The following BAIAP2L1 variants were observed in gnomAD, a reference collection of about 807,000 sequenced individuals.
BAIAP2L1 encodes BAR/IMD domain containing adaptor protein 2 like 1, also known as BAR/IMD domain-containing adapter protein 2-like 1.
BAIAP2L1 carries 35 observed loss-of-function variants against 66.3 expected under a neutral mutation model. The observed-to-expected ratio is 0.53, with a 90% confidence interval of 0.40 to 0.70. The LOEUF is 0.70. Among genes scored for constraint, BAIAP2L1 ranks in the 30% least tolerant of loss-of-function variants. BAIAP2L1 has a pLI of 0.00. For missense variants in BAIAP2L1, 622 were observed against 656.9 expected, an observed-to-expected ratio of 0.95 and a Z score of 0.58; for synonymous variants, 269 against 248.7, an observed-to-expected ratio of 1.08 and a Z score of -0.77.
At chr7:98,357,995 G>A (rs1039438215) in intron 2 of BAIAP2L1, among the ~76,000 whole-genome samples, 1 of 152,188 alleles carries the variant, frequency 6.6e-6, no homozygotes, top group East Asian at 1.9e-4. Context: ...CCAGGAAACT[G>A]TCAAGTTGTA....
intron 12 of BAIAP2L1, among the ~76,000 whole-genome samples, chr7:98,294,345 G>A (rs1056709567): frequency 1.3e-5 from 2 of 152,102 alleles, no homozygotes; most frequent in African/African-American, 2.4e-5. Flanking sequence ...AAAACATAAG[G>A]GATGTTTAAA....
chr7:98,322,688 C>T (rs540301913), intron 3 of BAIAP2L1, among the ~76,000 whole-genome samples: 9 of 152,302 alleles, frequency 5.9e-5, no homozygotes, highest in South Asian at 2.1e-4. Flanking sequence ...CGTCCCACCA[C>T]GTGGGCTTTC....
chr7:98,357,245 C>A (rs12672092), intron 2 of BAIAP2L1, among the ~76,000 whole-genome samples: 57,102 of 148,142 alleles, frequency 0.39, 12,377 homozygotes, highest in Middle Eastern at 0.55. Context: ...TTTTCTGGCA[C>A]ATTAATCTAC....
In BAIAP2L1 at chr7:98,400,967, C is replaced by T. The variant is rs1436022393; in HGVS notation, c.-115G>A. The T allele has an allele frequency of 6.3e-6, 6 of 948,898 alleles. No individual in the cohort carries two copies. Among genetic ancestry groups the T allele is most frequent in the Non-Finnish European group, 8.4e-6 (6 of 711,216 alleles). 58.8% of individuals were successfully genotyped at this position (948,898 alleles called of 1,614,324 possible). ...CTAAGGGGCTCTGGAGGGTCGGCCG[C>T]CGCCGCAGCCGTCGGCCCGAGAGTG... On this transcript the variant is annotated 5_prime_UTR_variant, in exon 1 of 14. Transcript: ENST00000005260.
chr7:98,385,506 G>A (rs10280254), intron 1 of BAIAP2L1, among the ~76,000 whole-genome samples: 18,070 of 151,638 alleles, frequency 0.12, 1,341 homozygotes, highest in South Asian at 0.23. Flanking sequence ...CTGCAGCCTC[G>A]ACCTCCCGGA....
At position 98,355,148 on chromosome 7, in the gene BAIAP2L1, C is replaced by T; in HGVS notation, c.128-20G>A. On this transcript the variant is annotated intron_variant, in intron 2 of 13. Coordinates refer to ENST00000005260, the MANE Select transcript of BAIAP2L1 (RefSeq NM_018842.5). ...TCATAGCTAGACACAAAAGGTGACA[C>T]ACAAAATCGTCACTTAGACAAGGAA... 1 of 1,554,398 alleles carries T rather than the reference C, an allele frequency of 6.4e-7. No homozygotes were observed. Among genetic ancestry groups the T allele is most frequent in the Non-Finnish European group, 8.9e-7 (1 of 1,126,642 alleles).
At chr7:98,336,514 G>A (rs2115610806) in intron 3 of BAIAP2L1, among the ~76,000 whole-genome samples, 1 of 152,296 alleles carries the variant, frequency 6.6e-6, no homozygotes, top group South Asian at 2.1e-4. Context: ...TACTTGGGAG[G>A]CTGAGGCAGG....
At chr7:98,382,078 A>G (rs1283820831) in intron 1 of BAIAP2L1, among the ~76,000 whole-genome samples, 1 of 151,872 alleles carries the variant, frequency 6.6e-6, no homozygotes, top group African/African-American at 2.4e-5. Context: ...GGCGCCTGCC[A>G]CCACGCCCGG....
At chr7:98,306,323 C>A in intron 11 of BAIAP2L1, 116 bp downstream of exon 11, 5 of 1,238,236 alleles carry the variant, frequency 4.0e-6, no homozygotes, top group Non-Finnish European at 4.7e-6. Context: ...TCTGACTAGT[C>A]CACGAGAGCT....
At chr7:98,316,997 T>C (rs373749861) in intron 6 of BAIAP2L1, among the ~76,000 whole-genome samples, 3,687 of 151,684 alleles carry the variant, frequency 0.024, 151 homozygotes, top group African/African-American at 0.085. Flanking sequence ...CGAGTAGCTG[T>C]GACTACAGGT....
intron 3 of BAIAP2L1, among the ~76,000 whole-genome samples, chr7:98,330,221 C>T (rs561169810): frequency 6.6e-6 from 1 of 152,246 alleles, no homozygotes; most frequent in South Asian, 2.1e-4. Context: ...AACTAACCAC[C>T]ACCATGACTA....
At chr7:98,367,527 C>T (rs1248103036) in intron 1 of BAIAP2L1, among the ~76,000 whole-genome samples, 5 of 141,964 alleles carry the variant, frequency 3.5e-5, no homozygotes, top group African/African-American at 1.3e-4. Context: ...CGCACCACCA[C>T]ACCTGGCTTT....
chr7:98,393,910 C>G (rs865971863), intron 1 of BAIAP2L1, among the ~76,000 whole-genome samples: 23 of 149,878 alleles, frequency 1.5e-4, no homozygotes, highest in Middle Eastern at 3.5e-3. Flanking sequence ...TCGAGACCAG[C>G]CTGAACAACA....
chr7:98,345,513 T>TCC (rs1801850602), intron 3 of BAIAP2L1, among the ~76,000 whole-genome samples: 1 of 151,878 alleles, frequency 6.6e-6, no homozygotes, highest in African/African-American at 2.4e-5. Flanking sequence ...TCACCTGAGG[T>TCC]AAGGAGTTTG....
At chr7:98,339,329 A>G (rs1801685459) in intron 3 of BAIAP2L1, among the ~76,000 whole-genome samples, 2 of 152,124 alleles carry the variant, frequency 1.3e-5, no homozygotes, top group African/African-American at 4.8e-5. Context: ...TGCTGTAGCT[A>G]TCTTGTGGTT....
chr7:98,400,825 G>A lies in BAIAP2L1; in HGVS notation c.28C>T (p.Arg10Trp), dbSNP rs1803352892. 3 of 1,547,468 alleles carry A rather than the reference G, an allele frequency of 1.9e-6. No homozygotes were observed. The highest frequency in any genetic ancestry group is 2.6e-6 in the Non-Finnish European group (3 of 1,145,508). MSRGPEEVN[R>W]LTESTYRNVM... ...ACCCGGTAGGTGCTCTCCGTGAGCC[G>A]GTTCACCTCCTCGGGCCCCCGGGAC... is the stretch of plus-strand genomic sequence containing the variant. The change falls in exon 1 of 14, where the codon CGG becomes TGG. Residue 10 changes from arginine (R) to tryptophan (W), a missense_variant. Transcript: ENST00000005260.
chr7:98,328,531 GGTGCCCCA>G (rs1323468538), intron 3 of BAIAP2L1, among the ~76,000 whole-genome samples: 12 of 152,050 alleles, frequency 7.9e-5, no homozygotes, highest in Non-Finnish European at 1.8e-4. Context: ...TGGCTGCTGA[GGTGCCCCA>G]GTCCAGACAC....
At chr7:98,374,149 A>C (rs1802570775) in intron 1 of BAIAP2L1, among the ~76,000 whole-genome samples, 1 of 151,722 alleles carries the variant, frequency 6.6e-6, no homozygotes, top group African/African-American at 2.4e-5. Context: ...GGGTCTTGCT[A>C]TGTTGCCCAG....
intron 11 of BAIAP2L1, among the ~76,000 whole-genome samples, 173 bp from the exon 12 acceptor site, chr7:98,304,549 A>T (rs1283287453): frequency 1.3e-5 from 2 of 152,010 alleles, no homozygotes; most frequent in East Asian, 3.9e-4. Context: ...AAAACACTGT[A>T]TTTTTTAAAT....
Sources: gnomAD v4.1 joint callset for allele counts (sites outside exome capture counted in the v4.1 genomes callset) on GRCh38, gnomAD v4.1.1 for gene constraint, MANE v1.5 for transcripts, NCBI Gene and HGNC (gene_info 2026-07-23, HGNC 2026-07-21) for gene names.